The following TNR variants were observed in gnomAD, a reference collection of about 807,000 sequenced individuals.
TNR encodes the protein tenascin-R.
In TNR, 45 loss-of-function variants were observed where a neutral mutation model predicts 150.4. The ratio of observed to expected loss-of-function variants is 0.30; its 90% CI spans 0.24 to 0.38. The LOEUF is 0.38. TNR is among the 10% of genes least tolerant of loss of function. TNR has a pLI of 1.00. For missense variants in TNR, 1,544 were observed against 1,759.1 expected (o/e 0.88, Z 2.19); for synonymous variants, 687 against 678.4 (o/e 1.01, Z -0.20).
In TNR at chr1:175,427,238, C is replaced by T. The variant is rs181811460; in HGVS notation, c.-63-20461G>A. Among the ~76,000 whole-genome samples the T allele has an allele frequency of 1.1e-3, 172 of 151,376 alleles. 1 individual carries two copies. Among genetic ancestry groups the T allele is most frequent in the African/African-American group, 3.9e-3 (160 of 41,276 alleles). ...ATCATTGCTCCAGAGCAGCACTGTC[C>T]AATGACTATACAAGTCAGTGAGTGT... On this transcript the variant is annotated intron_variant, in intron 2 of 22. Transcript: ENST00000367674.
At chr1:175,465,320 C>G (rs994199685) in intron 2 of TNR, among the ~76,000 whole-genome samples, 1 of 152,190 alleles carries the variant, frequency 6.6e-6, no homozygotes, top group African/African-American at 2.4e-5. Flanking sequence ...CCCATGGAAA[C>G]TTTTAAGTTC....
intron 1 of TNR, among the ~76,000 whole-genome samples, chr1:175,631,594 C>A (rs983177081): frequency 3.9e-5 from 6 of 152,110 alleles, no homozygotes; most frequent in African/African-American, 1.4e-4. Context: ...AGATTGAACA[C>A]CTGTGGCCTA....
chr1:175,708,375 A>G (rs1255745954), intron 1 of TNR, among the ~76,000 whole-genome samples: 1 of 152,226 alleles, frequency 6.6e-6, no homozygotes, highest in Non-Finnish European at 1.5e-5. Flanking sequence ...CTCCAAACCA[A>G]GACTCTTCCT....
At chr1:175,457,421 G>A (rs9988641) in intron 2 of TNR, among the ~76,000 whole-genome samples, 43,728 of 152,174 alleles carry the variant, frequency 0.29, 6,582 homozygotes, top group Admixed American at 0.38. Context: ...ACATTGAGCC[G>A]TGGCCTGGTG....
chr1:175,514,549 C>A (rs973308896), intron 2 of TNR, among the ~76,000 whole-genome samples: 1 of 152,202 alleles, frequency 6.6e-6, no homozygotes, highest in Non-Finnish European at 1.5e-5. Context: ...GACTATTCAA[C>A]CAGGGAACCA....
rs554632303 is a variant in TNR at position 175,711,759 on chromosome 1, A to G, written c.-165+31467T>C. Among the ~76,000 whole-genome samples, 197 of 152,256 alleles carry G rather than the reference A, an allele frequency of 1.3e-3. 1 individual carries two copies. Among genetic ancestry groups the G allele is most frequent in the African/African-American group, 4.6e-3 (191 of 41,554 alleles). ...GGACTTAAAGATGGAACGAATGGGG[A>G]TCCATGAGAGAGTGAGAGCAGTCGA... On this transcript the variant is annotated intron_variant, in intron 1 of 22. Transcript: ENST00000367674.
intron 1 of TNR, among the ~76,000 whole-genome samples, chr1:175,738,227 G>T (rs1006965941): frequency 3.3e-5 from 5 of 152,112 alleles, no homozygotes; most frequent in African/African-American, 1.2e-4. Flanking sequence ...GTAAAGCAGA[G>T]GCAATTGGCA....
chr1:175,429,537 T>C (rs1173352032), intron 2 of TNR, among the ~76,000 whole-genome samples: 1 of 152,214 alleles, frequency 6.6e-6, no homozygotes, highest in Non-Finnish European at 1.5e-5. Context: ...ACATGATCAG[T>C]GTTCAGTAAC....
rs528171911 is a variant in TNR at position 175,391,295 on chromosome 1, G to A, written c.1500C>T (p.Val500=). 2.1e-4 allele frequency: 338 copies of A among 1,613,752 alleles called. 3 individuals are homozygous for A. In the South Asian group the frequency reaches 3.6e-3, roughly 17 times the overall value. The change falls in exon 7 of 23, where the codon GTC becomes GTT. Residue 500 remains valine (V), a synonymous_variant. Coordinates refer to ENST00000367674, the MANE Select transcript of TNR (RefSeq NM_003285.3). ...QARSPPTSAS[V]STVIDGPTQI... ...AGGGTTGGAGGCACTCACCTGTGGA[G>A]ACGCTGGCCGAGGTAGGGGGGCTGC...
At chr1:175,339,085 G>T (rs1437142022) in intron 18 of TNR, among the ~76,000 whole-genome samples, 1 of 152,184 alleles carries the variant, frequency 6.6e-6, no homozygotes. Flanking sequence ...CAAGAAACTT[G>T]AGAGGACAGC....
At chr1:175,667,841 C>T (rs574021944) in intron 1 of TNR, among the ~76,000 whole-genome samples, 1 of 152,290 alleles carries the variant, frequency 6.6e-6, no homozygotes, top group African/African-American at 2.4e-5. Context: ...CTGCTTGCCC[C>T]AGCTGGTGGG....
chr1:175,321,813 T>C lies in TNR; in HGVS notation c.*1544A>G, dbSNP rs1332479873. ...TGCAAGGCAGAATAATAAAAGAAGA[T>C]GGAAAGGCTTCTCATGATCTCACCT... On this transcript the variant is annotated 3_prime_UTR_variant, in exon 23 of 23. Transcript: ENST00000367674. 1.3e-5 allele frequency: 2 copies of C among 152,138 alleles called. No homozygotes were observed. Among genetic ancestry groups the C allele is most frequent in the African/African-American group, 4.8e-5 (2 of 41,406 alleles). The allele number at this position is 152,138 out of a possible 1,614,324, so 9.4% of individuals were successfully genotyped here.
At chr1:175,480,961 C>G (rs527748622) in intron 2 of TNR, among the ~76,000 whole-genome samples, 2 of 152,112 alleles carry the variant, frequency 1.3e-5, no homozygotes, top group Non-Finnish European at 2.9e-5. Context: ...CTTTTTCTGA[C>G]AGAATAAACT....
chr1:175,620,642 C>T (rs976409225), intron 1 of TNR, among the ~76,000 whole-genome samples: 3 of 152,088 alleles, frequency 2.0e-5, no homozygotes, highest in African/African-American at 7.2e-5. Flanking sequence ...AGAGCAGTGG[C>T]GAGTAGGTGG....
At chr1:175,608,703 T>G (rs1663491547) in intron 1 of TNR, among the ~76,000 whole-genome samples, 1 of 152,124 alleles carries the variant, frequency 6.6e-6, no homozygotes, top group Middle Eastern at 3.4e-3. Flanking sequence ...CAGAAAAAAA[T>G]GGGCAAGAAT....
intron 2 of TNR, among the ~76,000 whole-genome samples, chr1:175,459,174 C>A (rs1428406475): frequency 6.6e-6 from 1 of 151,728 alleles, no homozygotes; most frequent in African/African-American, 2.4e-5. Flanking sequence ...ATTATCATGA[C>A]CTCCCCCATT....
At chr1:175,412,276 A>T (rs1654245643) in intron 2 of TNR, among the ~76,000 whole-genome samples, 1 of 152,148 alleles carries the variant, frequency 6.6e-6, no homozygotes, top group African/African-American at 2.4e-5. Context: ...TCATGAAAAG[A>T]CTTAGAGCTC....
At chr1:175,571,772 C>A (rs1436387108) in intron 1 of TNR, among the ~76,000 whole-genome samples, 1 of 152,184 alleles carries the variant, frequency 6.6e-6, no homozygotes, top group East Asian at 1.9e-4. Context: ...CAGATTCATA[C>A]TTGGGTTGAA....
intron 2 of TNR, among the ~76,000 whole-genome samples, chr1:175,465,830 C>G (rs1326677841): frequency 6.6e-6 from 1 of 152,182 alleles, no homozygotes; most frequent in Non-Finnish European, 1.5e-5. Context: ...CCCTCAAGCC[C>G]CCCTCCTCTT....
Sources: gnomAD v4.1 joint callset for allele counts (sites outside exome capture counted in the v4.1 genomes callset) on GRCh38, gnomAD v4.1.1 for gene constraint, MANE v1.5 for transcripts, NCBI Gene and HGNC (gene_info 2026-07-23, HGNC 2026-07-21) for gene names.